Variants in TRIP4 observed in about 807,000 individuals in gnomAD.
The protein encoded by TRIP4 is thyroid hormone receptor interactor 4, also known as activating signal cointegrator 1.
In TRIP4, 54 loss-of-function variants were observed where a neutral mutation model predicts 81.8. That is an observed-to-expected ratio of 0.66 (90% CI 0.53 to 0.83). TRIP4 has a LOEUF of 0.83. TRIP4 is among the 40% of genes least tolerant of loss of function. The pLI is 0.00. For missense variants in TRIP4, 662 were observed against 683.6 expected (o/e 0.97, Z 0.35); for synonymous variants, 270 against 242.8 (o/e 1.11, Z -1.04).
At chr15:64,433,982 C>G (rs1262936916) in intron 11 of TRIP4, among the ~76,000 whole-genome samples, 1 of 151,992 alleles carries the variant, frequency 6.6e-6, no homozygotes, top group Non-Finnish European at 1.5e-5. Context: ...GACAATTCTT[C>G]CAGCGTGGCC....
In TRIP4 at chr15:64,429,850, G is replaced by T. The variant is rs188369667; in HGVS notation, c.1575+4219G>T. Among the ~76,000 whole-genome samples, 10 of 152,236 alleles carry T rather than the reference G, an allele frequency of 6.6e-5. No individual in the cohort carries two copies. In the East Asian group the frequency reaches 1.7e-3, roughly 26 times the overall value. The stretch of plus-strand genomic sequence containing the variant: ...AATTGCATTTTCTTTGAAAACTAAT[G>T]TGGATCTAGTAATTTTTACTTCAAC... On this transcript the variant is annotated intron_variant, in intron 11 of 12. Transcript: ENST00000261884.
intron 7 of TRIP4, among the ~76,000 whole-genome samples, chr15:64,412,390 C>T (rs936541968): frequency 6.4e-4 from 97 of 152,218 alleles, no homozygotes; most frequent in African/African-American, 2.1e-3. Flanking sequence ...CTTTGCATTT[C>T]ACATACCTAC....
chr15:64,435,049 C>G lies in TRIP4; in HGVS notation c.1575+9418C>G, dbSNP rs529932334. ...TGGGCAACCTGGTGAAACCCCGTCT[C>G]TACAAAAAATACAAAAATTAGCTGG... On this transcript the variant is annotated intron_variant, in intron 11 of 12. Coordinates refer to ENST00000261884, the MANE Select transcript of TRIP4 (RefSeq NM_016213.5). Among the ~76,000 whole-genome samples the G allele has an allele frequency of 3.3e-5, 5 of 150,206 alleles. No homozygotes were observed. The South Asian group carries it at 1.1e-3, about 32-fold the overall frequency.
At chr15:64,400,944 T>TG (rs1555409242) in intron 5 of TRIP4, 123 bp downstream of exon 5, 6 of 655,814 alleles carry the variant, frequency 9.1e-6, no homozygotes, top group Middle Eastern at 2.5e-4. Flanking sequence ...TCAGTTTTTT[T>TG]GGGGGGTTTT....
intron 11 of TRIP4, among the ~76,000 whole-genome samples, chr15:64,439,982 T>C (rs1382010922): frequency 6.6e-6 from 1 of 152,108 alleles, no homozygotes; most frequent in Admixed American, 6.6e-5. Context: ...ATGCCCATTT[T>C]CCACTGAATC....
At chr15:64,389,932 C>T (rs530841841) in intron 1 of TRIP4, among the ~76,000 whole-genome samples, 41 of 150,466 alleles carry the variant, frequency 2.7e-4, no homozygotes, top group South Asian at 2.1e-3. Context: ...GAACTCCTGA[C>T]CTCAGATGAT....
rs1446460008 is a variant in TRIP4, at chr15:64,393,946, G to A, written c.102G>A (p.Gln34=). ...FGLDVSEEII[Q]YVLSIESAEE... is the part of the protein sequence containing the mutation. ...ACAACTTATATCTTTGCCTCCTGAG[G>A]TACGTTTTGTCAATTGAGAGTGCTG... is the stretch of plus-strand genomic sequence containing the variant. Residue 34 remains glutamine, a splice_region_variant and synonymous_variant, in exon 2 of 13, where the codon CAG becomes CAA. Transcript: ENST00000261884. 1 of 1,575,404 alleles carries A rather than the reference G, an allele frequency of 6.3e-7. No homozygotes were observed. The highest frequency in any genetic ancestry group is 2.3e-5 in the East Asian group (1 of 43,162).
intron 4 of TRIP4, among the ~76,000 whole-genome samples, chr15:64,399,712 C>A (rs754382481): frequency 6.6e-6 from 1 of 151,976 alleles, no homozygotes; most frequent in Non-Finnish European, 1.5e-5. Context: ...ATATTGACCA[C>A]GCTCAATTGA....
intron 11 of TRIP4, among the ~76,000 whole-genome samples, chr15:64,426,660 A>T (rs1351399802): frequency 6.8e-6 from 1 of 146,598 alleles, no homozygotes; most frequent in Non-Finnish European, 1.5e-5. Flanking sequence ...AGATCGTGCC[A>T]CTGCACTCCA....
At chr15:64,450,127 C>T (rs1892721502) in intron 12 of TRIP4, among the ~76,000 whole-genome samples, 3 of 152,226 alleles carry the variant, frequency 2.0e-5, no homozygotes, top group Admixed American at 2.0e-4. Flanking sequence ...GGCGCAGTGG[C>T]TCACGCCTGT....
Position 64,410,024 on chromosome 15 carries a change from G to T in TRIP4, c.1043+196G>T, listed in dbSNP as rs892207362. 1.6e-3 allele frequency among the ~76,000 whole-genome samples: 208 copies of T among 133,860 alleles called. 1 individual carries two copies. The highest frequency in any genetic ancestry group is 4.0e-3 in the Middle Eastern group (1 of 252). The allele number at this position is 133,860 out of a possible 152,430, so 87.8% of individuals were successfully genotyped here. A position where few individuals can be genotyped will look rare whatever the true frequency, so the allele number is the denominator to read the frequency against. Reference sequence around the variant, plus strand: ...GATAATTACTGATTTTTGTGGTTTGGTTTTTTTTTTTTTTTTTTTGAGATG... The same window carrying T: ...GATAATTACTGATTTTTGTGGTTTGTTTTTTTTTTTTTTTTTTTTGAGATG... On this transcript the variant is annotated intron_variant, in intron 7 of 12. Coordinates refer to ENST00000261884, the MANE Select transcript of TRIP4 (RefSeq NM_016213.5).
At chr15:64,449,280 G>T (rs1596365951) in intron 12 of TRIP4, among the ~76,000 whole-genome samples, 1 of 148,034 alleles carries the variant, frequency 6.8e-6, no homozygotes. Context: ...TGTTTTTTTT[G>T]TTTGTTTTTG....
intron 11 of TRIP4, among the ~76,000 whole-genome samples, chr15:64,440,117 TGC>T (rs1892484588): frequency 6.6e-6 from 1 of 152,008 alleles, no homozygotes; most frequent in Non-Finnish European, 1.5e-5. Flanking sequence ...TCTGGTGGTG[TGC>T]ACCTGTAGTC....
chr15:64,399,750 C>T (rs1891445006), intron 4 of TRIP4, among the ~76,000 whole-genome samples: 1 of 152,030 alleles, frequency 6.6e-6, no homozygotes, highest in South Asian at 2.1e-4. Flanking sequence ...ATCTACCTGC[C>T]TCGGCCTCCC....
intron 11 of TRIP4, among the ~76,000 whole-genome samples, chr15:64,432,816 C>T (rs928229629): frequency 6.6e-6 from 1 of 151,862 alleles, no homozygotes; most frequent in Non-Finnish European, 1.5e-5. Context: ...GAGGCTGAGG[C>T]AGGAGAATCT....
chr15:64,439,260 G>A (rs551418890), intron 11 of TRIP4, among the ~76,000 whole-genome samples: 9 of 152,100 alleles, frequency 5.9e-5, no homozygotes, highest in African/African-American at 1.9e-4. Flanking sequence ...AGTTGCTTGC[G>A]GGATATGCTT....
chr15:64,427,678 C>T lies in TRIP4; in HGVS notation c.1575+2047C>T, dbSNP rs558441116. 2.2e-4 allele frequency among the ~76,000 whole-genome samples: 33 copies of T among 152,312 alleles called. No individual in the cohort carries two copies. In the South Asian group the frequency reaches 6.2e-3, roughly 29 times the overall value. On this transcript the variant is annotated intron_variant, in intron 11 of 12. Transcript: ENST00000261884. Reference sequence around the variant, plus strand: ...GGTGTGAGCCACTGTGGCCAGCCTACTGACTGATTTTAACTAACACTTGTT... The same window carrying T: ...GGTGTGAGCCACTGTGGCCAGCCTATTGACTGATTTTAACTAACACTTGTT...
chr15:64,422,302 A>G (rs1892037812), intron 9 of TRIP4, among the ~76,000 whole-genome samples: 1 of 152,194 alleles, frequency 6.6e-6, no homozygotes, highest in African/African-American at 2.4e-5. Flanking sequence ...TGGTTTTCAG[A>G]GTGCTCTTTC....
intron 8 of TRIP4, among the ~76,000 whole-genome samples, chr15:64,415,736 T>G (rs899730443): frequency 1.3e-5 from 2 of 152,220 alleles, no homozygotes; most frequent in African/African-American, 2.4e-5. Flanking sequence ...TAAGGTTGTA[T>G]TCACAGATTC....
Sources: gnomAD v4.1 joint callset for allele counts (sites outside exome capture counted in the v4.1 genomes callset) on GRCh38, gnomAD v4.1.1 for gene constraint, MANE v1.5 for transcripts, NCBI Gene and HGNC (gene_info 2026-07-23, HGNC 2026-07-21) for gene names.